The following IRAG1 variants were observed in gnomAD, a reference collection of about 807,000 sequenced individuals.
The protein encoded by IRAG1 is IP3R-associated cGMP kinase substrate.
In IRAG1, 62 loss-of-function variants were observed where a neutral mutation model predicts 106.2. That is an observed-to-expected ratio of 0.58 (90% CI 0.48 to 0.72). The LOEUF (loss-of-function observed/expected upper bound fraction) is 0.72, where lower values mean the gene tolerates loss of function less well. Ranked by LOEUF, IRAG1 falls within the 30% of genes least tolerant of loss-of-function variation. The probability of loss-of-function intolerance (pLI) is 0.00; values close to 1 mark genes in which losing one functional copy is unlikely to be tolerated. For synonymous variants in IRAG1, 462 were observed against 443.9 expected (o/e 1.04, Z -0.51); for missense variants, 1,064 against 1,140.7 (o/e 0.93, Z 0.97).
chr11:10,628,176 T>C lies in IRAG1; in HGVS notation c.653-151A>G, dbSNP rs1856404926. On this transcript the variant is annotated intron_variant, in intron 6 of 20. Transcript: ENST00000423302. This position sits in a 1 kb window ranked among gnomAD's most constrained non-coding sequence, Gnocchi z 4.1. ...ACCTCCCGTGTGCCAGGTTCTCAGG[T>C]GGGCCCTCACAGAATGTTCACAGAG... is the stretch of plus-strand genomic sequence containing the variant. 2.5e-6 allele frequency: 2 copies of C among 809,660 alleles called. No homozygotes were observed. Among genetic ancestry groups the C allele is most frequent in the South Asian group, 2.9e-5 (2 of 68,628 alleles). The allele number at this position is 809,660 out of a possible 1,614,324, so 50.2% of individuals were successfully genotyped here. A position where few individuals can be genotyped will look rare whatever the true frequency, so the allele number is the denominator to read the frequency against.
At position 10,576,302 on chromosome 11, in the gene IRAG1, G is replaced by C; in HGVS notation, c.*30C>G. On this transcript the variant is annotated 3_prime_UTR_variant, in exon 21 of 21. Transcript: ENST00000423302. ...AAAGGGTGGTAGTCTGAGTGTCTCAGAGCAGGGCACTGGCTAGGTGTGAGG... is the reference window on the plus strand; with the variant it reads ...AAAGGGTGGTAGTCTGAGTGTCTCACAGCAGGGCACTGGCTAGGTGTGAGG... The C allele has an allele frequency of 3.1e-6, 5 of 1,611,840 alleles. No homozygotes were observed. The highest frequency in any genetic ancestry group is 4.2e-6 in the Non-Finnish European group (5 of 1,179,130).
rs935205880 is a variant in IRAG1, at chr11:10,593,569, C to T, written c.2098G>A (p.Val700Met). The T allele has an allele frequency of 1.1e-5, 18 of 1,613,736 alleles. No homozygotes were observed. Among genetic ancestry groups the T allele is most frequent in the Non-Finnish European group, 1.5e-5 (18 of 1,179,786 alleles). ...TTCAGGGCATTAAACTTAGGAACCA[C>T]AGCAACGCTGACCCTCCGGCGAGGC... ...NMPRRRVSVAVVPKFNALNLP... is the reference protein window; with the variant it reads ...NMPRRRVSVAMVPKFNALNLP... Residue 700 changes from valine (V) to methionine (M), a missense_variant, in exon 17 of 21, where the codon GTG becomes ATG. Coordinates refer to ENST00000423302, the MANE Select transcript of IRAG1 (RefSeq NM_130385.4).
rs1856732486 is a variant in IRAG1 at position 10,632,024 on chromosome 11, AGTGTCG to A, written c.361_366del (p.Arg121_His122del). ...GTCAGGGAGGCAGTGGACACCTTCA[AGTGTCG>A]GTGAGAAAGCCTCTTGTGGGGACTG... On this transcript the variant is annotated inframe_deletion, in exon 4 of 21. Coordinates refer to ENST00000423302, the MANE Select transcript of IRAG1 (RefSeq NM_130385.4). 6.2e-7 allele frequency: 1 copy of A among 1,613,778 alleles called. No individual in the cohort carries two copies.
rs372185009 is a variant in IRAG1 at position 10,580,540 on chromosome 11, C to T, written c.2410G>A (p.Glu804Lys). ...KTKELQDLKE[E>K]EEEQKSESPE... is the part of the protein sequence containing the mutation. ...CTCTCACTCTTCTGTTCTTCCTCCT[C>T]CTCCTTCAGGTCTTGAAGTTCTTTG... Residue 804 changes from glutamate (E) to lysine (K), a missense_variant, in exon 20 of 21, where the codon GAG becomes AAG. Physicochemically the swap from Glu to Lys is moderately conservative, Grantham distance 56. Transcript: ENST00000423302. The T allele has an allele frequency of 5.0e-6, 8 of 1,613,990 alleles. No homozygotes were observed. The highest frequency in any genetic ancestry group is 6.8e-6 in the Non-Finnish European group (8 of 1,179,876).
chr11:10,649,445 A>G (rs3993279), intron 2 of IRAG1, among the ~76,000 whole-genome samples: 47,272 of 152,002 alleles, frequency 0.31, 8,287 homozygotes, highest in East Asian at 0.78. Flanking sequence ...TGGGTAACAC[A>G]TAAGAAACCA....
Position 10,628,809 on chromosome 11 carries a change from G to A in IRAG1, c.594C>T (p.Ser198=), listed in dbSNP as rs752776217. The part of the protein sequence containing the change: ...DSPSAVSPNL[S]PSASPTSSRS... Reference sequence around the variant, plus strand: ...GAGAGGATGTAGGAGAAGCGCTGGGGCTGAGGTTCGGGGAAACAGCTGTGA... The same window carrying A: ...GAGAGGATGTAGGAGAAGCGCTGGGACTGAGGTTCGGGGAAACAGCTGTGA... The change falls in exon 6 of 21, where the codon AGC becomes AGT. Residue 198 remains serine, a synonymous_variant. Coordinates refer to ENST00000423302, the MANE Select transcript of IRAG1 (RefSeq NM_130385.4). This position sits in a 1 kb window ranked among gnomAD's most constrained non-coding sequence, Gnocchi z 4.1. 2.5e-6 allele frequency: 4 copies of A among 1,579,480 alleles called. No individual in the cohort carries two copies. Among genetic ancestry groups the A allele is most frequent in the Non-Finnish European group, 3.4e-6 (4 of 1,164,630 alleles).
chr11:10,653,762 G>A (rs796986276), intron 1 of IRAG1, among the ~76,000 whole-genome samples: 1 of 152,154 alleles, frequency 6.6e-6, no homozygotes, highest in Non-Finnish European at 1.5e-5. Context: ...ACCTGCACGG[G>A]GGTCTGCAGC....
chr11:10,587,418 G>A (rs1008715021), intron 18 of IRAG1, among the ~76,000 whole-genome samples: 6 of 152,018 alleles, frequency 3.9e-5, no homozygotes, highest in African/African-American at 1.4e-4. Flanking sequence ...TCCTTACTCC[G>A]TGTTACTCAG....
At chr11:10,587,992 A>G (rs1003966159) in intron 18 of IRAG1, among the ~76,000 whole-genome samples, 4 of 152,258 alleles carry the variant, frequency 2.6e-5, no homozygotes, top group African/African-American at 9.6e-5. Flanking sequence ...TCATGGAATT[A>G]CTGTGAGGAT....
At chr11:10,593,859 C>T (rs1852957982) in intron 16 of IRAG1, 1 of 572,318 alleles carries the variant, frequency 1.7e-6, no homozygotes, top group African/African-American at 1.9e-5. Flanking sequence ...AATGACCCCA[C>T]AGTCTCTGGG....
In IRAG1 at chr11:10,631,669, T is replaced by G. The variant is rs891460318; in HGVS notation, c.400+322A>C. Among the ~76,000 whole-genome samples the G allele has an allele frequency of 1.2e-4, 19 of 152,322 alleles. No homozygotes were observed. In the South Asian group the frequency reaches 3.3e-3, roughly 27 times the overall value. Reference sequence around the variant, plus strand: ...GCCGGCCTTACACTCAGGCACCTACTCCAACCTGGATGTGGGCCTCTTTAG... The same window carrying G: ...GCCGGCCTTACACTCAGGCACCTACGCCAACCTGGATGTGGGCCTCTTTAG... On this transcript the variant is annotated intron_variant, in intron 4 of 20. Coordinates refer to ENST00000423302, the MANE Select transcript of IRAG1 (RefSeq NM_130385.4).
chr11:10,660,321 T>G (rs182295077), intron 1 of IRAG1, among the ~76,000 whole-genome samples: 1 of 152,332 alleles, frequency 6.6e-6, no homozygotes, highest in East Asian at 1.9e-4. Context: ...TTTACTACAT[T>G]TTACTATTAT....
At chr11:10,581,805 C>T in intron 19 of IRAG1, 62 bp downstream of exon 19, 1 of 1,581,448 alleles carries the variant, frequency 6.3e-7, no homozygotes, top group Admixed American at 1.9e-5. Flanking sequence ...CAAGAAAGAC[C>T]CATGGGAAGG....
chr11:10,646,891 T>G (rs1857994348), intron 2 of IRAG1, among the ~76,000 whole-genome samples: 1 of 152,008 alleles, frequency 6.6e-6, no homozygotes, highest in African/African-American at 2.4e-5. Context: ...CCTTCCTCAT[T>G]CTCCTTCAGC....
Position 10,574,887 on chromosome 11 carries a change from GT to G in IRAG1, c.*1444del, listed in dbSNP as rs1274782278. The G allele has an allele frequency of 2.6e-5, 4 of 152,166 alleles. No homozygotes were observed. The East Asian group carries it at 7.7e-4, about 29-fold the overall frequency. The allele number at this position is 152,166 out of a possible 1,614,324, so 9.4% of individuals were successfully genotyped here. A position where few individuals can be genotyped will look rare whatever the true frequency, so the allele number is the denominator to read the frequency against. Reference sequence around the variant, plus strand: ...CCGGGGTGTCCTTGTCAAGTTACTTGTTCTTTTTGTGCTTCAGTTTCCTTAT... The same window carrying G: ...CCGGGGTGTCCTTGTCAAGTTACTTGTCTTTTTGTGCTTCAGTTTCCTTAT... On this transcript the variant is annotated 3_prime_UTR_variant, in exon 21 of 21. Transcript: ENST00000423302.
chr11:10,616,901 A>G lies in IRAG1; in HGVS notation c.1447+6877T>C, dbSNP rs75431898. The G allele has an allele frequency of 5.2e-3, 1,820 of 347,730 alleles. 24 individuals carry two copies. The highest frequency in any genetic ancestry group is 0.038 in the African/African-American group (1,734 of 45,058). 21.5% of individuals were successfully genotyped at this position (347,730 alleles called of 1,614,324 possible). A position where few individuals can be genotyped will look rare whatever the true frequency, so the allele number is the denominator to read the frequency against. On this transcript the variant is annotated intron_variant, in intron 10 of 20. Transcript: ENST00000423302. ...ATTTTCAAATATATCTCCCAGGACTAGCTCATTCCAATGAAAATATTTGTT... is the reference window on the plus strand; with the variant it reads ...ATTTTCAAATATATCTCCCAGGACTGGCTCATTCCAATGAAAATATTTGTT...
chr11:10,631,882 TATCGGGAGGG>T, intron 4 of IRAG1, 99 bp downstream of exon 4: 2 of 845,730 alleles, frequency 2.4e-6, no homozygotes, highest in Non-Finnish European at 4.0e-6. Context: ...CTGTTGGACT[TATCGGGAGGG>T]AGCGCCTTAA....
At chr11:10,662,780 G>C (rs566705283) in intron 1 of IRAG1, among the ~76,000 whole-genome samples, 1 of 152,336 alleles carries the variant, frequency 6.6e-6, no homozygotes, top group East Asian at 1.9e-4. Context: ...CTCATGGCTT[G>C]ATTCCTGCTC....
At chr11:10,600,399 C>T (rs569168172) in intron 15 of IRAG1, among the ~76,000 whole-genome samples, 9 of 152,332 alleles carry the variant, frequency 5.9e-5, no homozygotes, top group African/African-American at 2.2e-4. Flanking sequence ...AGAACATCTT[C>T]ATGGGGTTTT....
Sources: gnomAD v4.1 joint callset for allele counts (sites outside exome capture counted in the v4.1 genomes callset) on GRCh38, gnomAD v4.1.1 for gene constraint, Gnocchi (gnomAD v3.1) non-coding constraint, MANE v1.5 for transcripts, NCBI Gene and HGNC (gene_info 2026-07-23, HGNC 2026-07-21) for gene names.